EDIL3: variants seen among roughly 807,000 people sequenced by gnomAD.
The protein encoded by EDIL3 is EGF like and discoidin domains 3, also known as EGF-like repeat and discoidin I-like domain-containing protein 3.
A neutral mutation model predicts 67.4 loss-of-function variants in EDIL3; 37 were observed. The observed-to-expected ratio is 0.55, with a 90% CI of 0.42 to 0.72. The LOEUF is 0.72. Ranked by LOEUF, EDIL3 falls within the 30% of genes least tolerant of loss-of-function variation. EDIL3 has a pLI of 0.00. For synonymous variants in EDIL3, 195 were observed against 196.3 expected (o/e 0.99, Z 0.05); for missense variants, 527 against 586.3 (o/e 0.90, Z 1.04).
chr5:83,963,853 T>C (rs566986529), intron 9 of EDIL3, among the ~76,000 whole-genome samples: 1 of 151,926 alleles, frequency 6.6e-6, no homozygotes, highest in African/African-American at 2.4e-5. Flanking sequence ...CAATGGAACA[T>C]TAGTCAATCC....
At chr5:84,100,042 G>A (rs1747333687) in intron 6 of EDIL3, among the ~76,000 whole-genome samples, 1 of 152,086 alleles carries the variant, frequency 6.6e-6, no homozygotes, top group South Asian at 2.1e-4. Flanking sequence ...TCTCACACCA[G>A]TTAGAATGGC....
chr5:83,976,620 T>C (rs936422304), intron 9 of EDIL3, among the ~76,000 whole-genome samples: 5 of 151,818 alleles, frequency 3.3e-5, no homozygotes, highest in Admixed American at 2.6e-4. Flanking sequence ...CAGGTTTCTT[T>C]TTTAATTAAT....
chr5:84,120,007 C>G (rs965826697), intron 5 of EDIL3, among the ~76,000 whole-genome samples: 2 of 151,728 alleles, frequency 1.3e-5, no homozygotes, highest in Admixed American at 6.6e-5. Flanking sequence ...TCACAAAATG[C>G]CCCTTGGTAC....
At position 84,250,447 on chromosome 5, in the gene EDIL3, G is replaced by A. The variant is rs140052871; in HGVS notation, c.196+3637C>T. Among the ~76,000 whole-genome samples, 929 of 152,334 alleles carry A rather than the reference G, an allele frequency of 6.1e-3. 10 individuals carry two copies. The highest frequency in any genetic ancestry group is 0.021 in the African/African-American group (892 of 41,564). ...AGTCAATTCTGCCAAACTATCCTAC[G>A]TAACACAGGAATGCAAGTGATGTGA... On this transcript the variant is annotated intron_variant, in intron 2 of 10. Transcript: ENST00000296591.
At chr5:84,289,558 G>A (rs1745874681) in intron 1 of EDIL3, among the ~76,000 whole-genome samples, 1 of 152,048 alleles carries the variant, frequency 6.6e-6, no homozygotes, top group Non-Finnish European at 1.5e-5. Flanking sequence ...GTTGTAGTCT[G>A]TCCCCAATTC....
chr5:84,323,712 A>G (rs7717140), intron 1 of EDIL3, among the ~76,000 whole-genome samples: 40,567 of 151,746 alleles, frequency 0.27, 6,228 homozygotes, highest in Non-Finnish European at 0.36. Context: ...ATTGTAAGAA[A>G]AAGCATGAAA....
At chr5:83,972,648 G>C (rs1366333444) in intron 9 of EDIL3, among the ~76,000 whole-genome samples, 2 of 151,956 alleles carry the variant, frequency 1.3e-5, no homozygotes, top group African/African-American at 4.8e-5. Flanking sequence ...ACTCAACCAG[G>C]CTTCACTAAG....
chr5:84,236,869 G>A (rs781716703), intron 2 of EDIL3, among the ~76,000 whole-genome samples: 3 of 151,712 alleles, frequency 2.0e-5, no homozygotes, highest in Non-Finnish European at 4.4e-5. Flanking sequence ...AAACTTGTAA[G>A]GGATAAAGCA....
In EDIL3 at chr5:84,132,387, T is replaced by TA. The variant is rs376001174; in HGVS notation, c.469+4853_469+4854insT. On this transcript the variant is annotated intron_variant, in intron 5 of 10. Transcript: ENST00000296591. ...TATTATATATATTATATATAATATA[T>TA]TTTATATATAATATATATTTTAACA... Among the ~76,000 whole-genome samples the TA allele has an allele frequency of 2.4e-3, 114 of 47,532 alleles. 1 individual carries two copies. The highest frequency in any genetic ancestry group is 4.6e-3 in the South Asian group (8 of 1,748). 31.2% of individuals were successfully genotyped at this position (47,532 alleles called of 152,430 possible).
At position 84,384,720 on chromosome 5, in the gene EDIL3, G is replaced by T. The variant is rs969436910; in HGVS notation, c.-346C>A. ...CGCCCCGGGTCTGCTGCGCGGGCAG[G>T]CAGACCCACCGGCAGACAGGCGGAC... On this transcript the variant is annotated 5_prime_UTR_variant, in exon 1 of 11. Coordinates refer to ENST00000296591, the MANE Select transcript of EDIL3 (RefSeq NM_005711.5). 2.8e-4 allele frequency: 44 copies of T among 159,548 alleles called. No individual in the cohort carries two copies. The highest frequency in any genetic ancestry group is 1.4e-3 in the South Asian group (7 of 4,880). The allele number at this position is 159,548 out of a possible 1,614,324, so 9.9% of individuals were successfully genotyped here.
intron 3 of EDIL3, among the ~76,000 whole-genome samples, chr5:84,206,252 G>C (rs993935215): frequency 3.9e-5 from 6 of 152,120 alleles, no homozygotes; most frequent in Admixed American, 3.9e-4. Context: ...CTGAGTTCTA[G>C]TTTGAGTGCA....
At chr5:84,127,393 A>C (rs751853507) in intron 5 of EDIL3, among the ~76,000 whole-genome samples, 2 of 152,126 alleles carry the variant, frequency 1.3e-5, no homozygotes, top group Non-Finnish European at 2.9e-5. Flanking sequence ...AAAGCTATTA[A>C]GGTAACTATT....
intron 6 of EDIL3, among the ~76,000 whole-genome samples, chr5:84,099,519 A>G (rs1356373269): frequency 6.6e-6 from 1 of 152,350 alleles, no homozygotes; most frequent in African/African-American, 2.4e-5. Flanking sequence ...AAAACGGGCT[A>G]GCCATATGCA....
chr5:84,054,355 C>T (rs1368274780), intron 9 of EDIL3, among the ~76,000 whole-genome samples: 4 of 152,182 alleles, frequency 2.6e-5, no homozygotes, highest in Non-Finnish European at 5.9e-5. Context: ...CAATATCATA[C>T]TGAATGGGCA....
At chr5:84,059,677 A>T (rs935362516) in intron 9 of EDIL3, among the ~76,000 whole-genome samples, 2 of 152,180 alleles carry the variant, frequency 1.3e-5, no homozygotes, top group African/African-American at 2.4e-5. Context: ...TTTTTGCCAC[A>T]GAAGCCACTA....
At chr5:84,294,950 A>C (rs1746013382) in intron 1 of EDIL3, among the ~76,000 whole-genome samples, 1 of 152,182 alleles carries the variant, frequency 6.6e-6, no homozygotes, top group Non-Finnish European at 1.5e-5. Context: ...GTGACAGTAA[A>C]CTGAATGCAA....
intron 2 of EDIL3, among the ~76,000 whole-genome samples, chr5:84,249,600 T>C (rs573388534): frequency 6.6e-6 from 1 of 152,302 alleles, no homozygotes; most frequent in African/African-American, 2.4e-5. Flanking sequence ...TGAAAATAAA[T>C]GAAAACTAAG....
At chr5:83,992,986 C>T (rs1414989771) in intron 9 of EDIL3, among the ~76,000 whole-genome samples, 1 of 152,116 alleles carries the variant, frequency 6.6e-6, no homozygotes, top group East Asian at 1.9e-4. Context: ...CAAGATACTG[C>T]TGAAGTACCT....
intron 9 of EDIL3, among the ~76,000 whole-genome samples, chr5:84,012,823 G>A (rs1745539416): frequency 6.6e-6 from 1 of 151,902 alleles, no homozygotes; most frequent in African/African-American, 2.4e-5. Flanking sequence ...CTCCAGAAAT[G>A]ATTTAGTCTT....
Sources: allele counts gnomAD v4.1 joint callset (sites outside exome capture counted in the v4.1 genomes callset), GRCh38; gene constraint gnomAD v4.1.1; transcripts MANE v1.5; gene names NCBI Gene and HGNC (gene_info 2026-07-23, HGNC 2026-07-21).